Variants in SUGCT observed in about 807,000 individuals in gnomAD.
The protein encoded by SUGCT is succinyl-CoA:glutarate CoA-transferase.
SUGCT carries 41 observed loss-of-function variants against 55.0 expected under a neutral mutation model. That is an observed-to-expected ratio of 0.74 (90% CI 0.58 to 0.97). The LOEUF is 0.97. Ranked by LOEUF, SUGCT falls within the 50% of genes least tolerant of loss-of-function variation. The pLI, the probability that SUGCT is intolerant of heterozygous loss-of-function variation, is 0.00. For synonymous variants in SUGCT, 187 were observed against 200.4 expected (o/e 0.93, Z 0.56); for missense variants, 568 against 547.8 (o/e 1.04, Z -0.37).
chr7:40,301,815 T>A (rs956068499), intron 8 of SUGCT, among the ~76,000 whole-genome samples: 1 of 152,212 alleles, frequency 6.6e-6, no homozygotes, highest in Non-Finnish European at 1.5e-5. Context: ...TCATTTATTT[T>A]GATTTCATGC....
At chr7:40,481,625 A>G (rs1273488637) in intron 11 of SUGCT, among the ~76,000 whole-genome samples, 1 of 152,088 alleles carries the variant, frequency 6.6e-6, no homozygotes, top group Non-Finnish European at 1.5e-5. Context: ...CCAATAGAAA[A>G]TCATCAAAAA....
chr7:40,712,585 T>C (rs1298317340), intron 12 of SUGCT, among the ~76,000 whole-genome samples: 2 of 152,214 alleles, frequency 1.3e-5, no homozygotes, highest in East Asian at 3.9e-4. Flanking sequence ...TTACTTGAAA[T>C]GCTGGCCAAA....
At chr7:40,269,475 A>T (rs1022525314) in intron 7 of SUGCT, among the ~76,000 whole-genome samples, 1 of 152,036 alleles carries the variant, frequency 6.6e-6, no homozygotes, top group African/African-American at 2.4e-5. Context: ...GGTGTGCACC[A>T]CTATGTCTGG....
At chr7:40,222,677 A>C (rs1163221644) in intron 6 of SUGCT, among the ~76,000 whole-genome samples, 1 of 152,188 alleles carries the variant, frequency 6.6e-6, no homozygotes, top group East Asian at 1.9e-4. Context: ...CTCTATCTTT[A>C]CTAAAAATAC....
chr7:40,664,114 C>A (rs544024849), intron 12 of SUGCT, among the ~76,000 whole-genome samples: 1 of 152,184 alleles, frequency 6.6e-6, no homozygotes, highest in African/African-American at 2.4e-5. Flanking sequence ...TCAGAAGGAA[C>A]CGATCCTGCC....
At chr7:40,578,424 G>A (rs1252908597) in intron 12 of SUGCT, among the ~76,000 whole-genome samples, 1 of 151,996 alleles carries the variant, frequency 6.6e-6, no homozygotes, top group East Asian at 1.9e-4. Context: ...TTTGGGGTGT[G>A]GTATGGGTAT....
chr7:40,636,147 T>A (rs952825235), intron 12 of SUGCT, among the ~76,000 whole-genome samples: 4 of 152,132 alleles, frequency 2.6e-5, no homozygotes, highest in Non-Finnish European at 5.9e-5. Context: ...GAATCTGACA[T>A]TTGGGGAGGG....
At chr7:40,287,789 G>T (rs924831828) in intron 8 of SUGCT, among the ~76,000 whole-genome samples, 5 of 152,144 alleles carry the variant, frequency 3.3e-5, no homozygotes, top group African/African-American at 1.2e-4. Flanking sequence ...ATGAGCCATA[G>T]TGCCTGGCTT....
chr7:40,182,228 G>A (rs984430348), intron 3 of SUGCT, among the ~76,000 whole-genome samples, 200 bp downstream of exon 3: 5 of 152,142 alleles, frequency 3.3e-5, no homozygotes, highest in African/African-American at 1.2e-4. Flanking sequence ...TGTGTGCTAA[G>A]TGCTAAGGCT....
intron 12 of SUGCT, among the ~76,000 whole-genome samples, chr7:40,585,653 C>T (rs892276203): frequency 3.3e-5 from 5 of 152,106 alleles, no homozygotes; most frequent in Non-Finnish European, 2.9e-5. Context: ...GGATTTCAGG[C>T]GTGAGCCACC....
At chr7:40,415,211 A>C (rs1474567190) in intron 9 of SUGCT, among the ~76,000 whole-genome samples, 1 of 150,106 alleles carries the variant, frequency 6.7e-6, no homozygotes. Context: ...CAGAGGTTGC[A>C]ATGAGCCTCA....
chr7:40,423,298 G>T (rs193130683), intron 9 of SUGCT, among the ~76,000 whole-genome samples: 134 of 152,248 alleles, frequency 8.8e-4, no homozygotes, highest in African/African-American at 3.2e-3. Context: ...TCTGTGGAAA[G>T]ATATTAATGT....
At chr7:40,567,891 T>A (rs532817637) in intron 12 of SUGCT, among the ~76,000 whole-genome samples, 40 of 152,276 alleles carry the variant, frequency 2.6e-4, no homozygotes, top group Non-Finnish European at 1.5e-5. Context: ...CTACAGAAGG[T>A]TGCTGTTATG....
intron 1 of SUGCT, among the ~76,000 whole-genome samples, chr7:40,173,224 C>A (rs961031072): frequency 6.6e-6 from 1 of 152,190 alleles, no homozygotes; most frequent in African/African-American, 2.4e-5. Context: ...TCGATTAGGA[C>A]AAACCTAGGC....
chr7:40,307,069 C>T (rs570974116), intron 8 of SUGCT, among the ~76,000 whole-genome samples: 2 of 152,200 alleles, frequency 1.3e-5, no homozygotes, highest in East Asian at 3.9e-4. Flanking sequence ...ATGTTCCTTT[C>T]ATTAAGTTAA....
chr7:40,485,422 T>TC (rs1269426535), intron 11 of SUGCT, among the ~76,000 whole-genome samples: 5 of 121,822 alleles, frequency 4.1e-5, no homozygotes, highest in Admixed American at 3.3e-4. Flanking sequence ...ACATTCTTTT[T>TC]TTTTTTTTTT....
the SUGCT span, among the ~76,000 whole-genome samples, chr7:40,882,956 A>G: frequency 6.6e-6 from 1 of 152,140 alleles, no homozygotes; most frequent in Admixed American, 6.5e-5. Context: ...AAACCTTTCT[A>G]TGCTTCTAGT....
chr7:40,632,562 C>A (rs548588219), intron 12 of SUGCT, among the ~76,000 whole-genome samples: 1 of 148,244 alleles, frequency 6.7e-6, no homozygotes, highest in African/African-American at 2.5e-5. Flanking sequence ...TGGAGTTACC[C>A]GACCAGTTTC....
intron 1 of SUGCT, among the ~76,000 whole-genome samples, chr7:40,154,669 C>G (rs529725068): frequency 6.6e-6 from 1 of 152,070 alleles, no homozygotes; most frequent in South Asian, 2.1e-4. Context: ...TTTTGCCAAG[C>G]GGAAAGCTAC....
Sources: gnomAD v4.1 joint callset for allele counts (sites outside exome capture counted in the v4.1 genomes callset) on GRCh38, gnomAD v4.1.1 for gene constraint, MANE v1.5 for transcripts, NCBI Gene and HGNC (gene_info 2026-07-23, HGNC 2026-07-21) for gene names.